RREB1: variants seen among roughly 807,000 people sequenced by gnomAD.
The protein encoded by RREB1 is ras responsive element binding protein 1, also known as ras-responsive element-binding protein 1.
In RREB1, 27 loss-of-function variants were observed where a neutral mutation model predicts 117.8. The observed-to-expected ratio is 0.23, with a 90% CI of 0.17 to 0.32. RREB1 has a LOEUF of 0.32. Among genes scored for constraint, RREB1 ranks in the 10% least tolerant of loss-of-function variants. The pLI, the probability that RREB1 is intolerant of heterozygous loss-of-function variation, is 1.00. For missense variants in RREB1, 2,577 were observed against 2,378.2 expected, an observed-to-expected ratio of 1.08 and a Z score of -1.74; for synonymous variants, 1,298 against 1,026.7, an observed-to-expected ratio of 1.26 and a Z score of -5.05.
intron 1 of RREB1, among the ~76,000 whole-genome samples, chr6:7,139,039 G>A (rs894285284): frequency 1.4e-4 from 22 of 151,966 alleles, no homozygotes; most frequent in South Asian, 4.1e-4. Context: ...CTACTTTTTC[G>A]TGCACTGAAT....
In RREB1 at chr6:7,230,448, C is replaced by T. The variant is rs1452930212; in HGVS notation, c.2349C>T (p.Gly783=). The part of the protein sequence containing the change: ...RTHCGRGLGG[G]HKGRKPFECK... ...ACTGCGGCCGCGGCCTGGGCGGGGG[C>T]CACAAGGGCCGCAAGCCCTTCGAGT... Residue 783 remains glycine (G), a synonymous_variant, in exon 10 of 13, where the codon GGC becomes GGT. Transcript: ENST00000379938. 2 of 1,591,948 alleles carry T rather than the reference C, an allele frequency of 1.3e-6. No individual in the cohort carries two copies. The highest frequency in any genetic ancestry group is 1.1e-5 in the South Asian group (1 of 90,570).
At position 7,229,736 on chromosome 6, in the gene RREB1, C is replaced by A; in HGVS notation, c.1637C>A (p.Pro546His). 6.2e-7 allele frequency: 1 copy of A among 1,601,060 alleles called. No individual in the cohort carries two copies. Among genetic ancestry groups the A allele is most frequent in the Non-Finnish European group, 8.5e-7 (1 of 1,171,282 alleles). The change falls in exon 10 of 13, where the codon CCC becomes CAC. Residue 546 changes from proline (P) to histidine (H), a missense_variant. By Grantham distance (77) the Pro-to-His change is moderately conservative. Transcript: ENST00000379938. The surrounding 1 kb of genome is among the most constrained non-coding windows in gnomAD (Gnocchi z 4.5). ...ATCAGCCCCAGCCTGCCGCCACCGC[C>A]CCTGAAGCTCCTCAAAGGCTCAGTG... ...GCISPSLPPP[P>H]LKLLKGSVEA... is the part of the protein sequence containing the mutation.
chr6:7,148,675 AG>A (rs1762983241), intron 1 of RREB1, among the ~76,000 whole-genome samples: 1 of 152,176 alleles, frequency 6.6e-6, no homozygotes, highest in South Asian at 2.1e-4. Context: ...TTAAGGAAAC[AG>A]GGAAGTTTGA....
chr6:7,215,696 C>T (rs550698075), intron 8 of RREB1: 40 of 152,314 alleles, frequency 2.6e-4, no homozygotes, highest in African/African-American at 8.2e-4. Flanking sequence ...AATGCTTCAT[C>T]GAGTATACCA....
chr6:7,247,266 G>A, intron 12 of RREB1, 45 bp downstream of exon 12: 3 of 1,554,790 alleles, frequency 1.9e-6, no homozygotes, highest in Non-Finnish European at 8.7e-7. Flanking sequence ...GAGGAGGCGA[G>A]CCGGGCACCT....
At chr6:7,134,138 T>C (rs1762259496) in intron 1 of RREB1, among the ~76,000 whole-genome samples, 1 of 152,224 alleles carries the variant, frequency 6.6e-6, no homozygotes, top group Non-Finnish European at 1.5e-5. Flanking sequence ...ACCAACATAG[T>C]ATTAAACTTT....
At chr6:7,154,719 T>G (rs1377097571) in intron 1 of RREB1, among the ~76,000 whole-genome samples, 1 of 152,200 alleles carries the variant, frequency 6.6e-6, no homozygotes, top group Non-Finnish European at 1.5e-5. Context: ...AGGCAGGATT[T>G]GCGATGTGGT....
chr6:7,233,335 A>AG (rs1768116306), intron 10 of RREB1, among the ~76,000 whole-genome samples: 1 of 152,218 alleles, frequency 6.6e-6, no homozygotes, highest in Non-Finnish European at 1.5e-5. Context: ...TCTGAATTAT[A>AG]ATTTTCTAAA....
At chr6:7,160,168 T>A (rs1763579638) in intron 1 of RREB1, among the ~76,000 whole-genome samples, 1 of 151,970 alleles carries the variant, frequency 6.6e-6, no homozygotes, top group Non-Finnish European at 1.5e-5. Flanking sequence ...CCACCCAGGC[T>A]ACTTGAGTTC....
intron 1 of RREB1, among the ~76,000 whole-genome samples, chr6:7,122,818 T>TG (rs1761734565): frequency 6.6e-6 from 1 of 152,152 alleles, no homozygotes; most frequent in African/African-American, 2.4e-5. Flanking sequence ...GTGTTATAAA[T>TG]ACAGCATGCT....
chr6:7,222,018 G>A (rs116868541), intron 8 of RREB1, among the ~76,000 whole-genome samples: 2 of 152,230 alleles, frequency 1.3e-5, no homozygotes, highest in East Asian at 1.9e-4. Flanking sequence ...AGATCCCCCC[G>A]TTTTAGATGA....
At chr6:7,212,029 C>T (rs1006721619) in intron 8 of RREB1, 7 of 321,686 alleles carry the variant, frequency 2.2e-5, no homozygotes, top group East Asian at 6.7e-5. Flanking sequence ...AGATTTTCTT[C>T]GCAAAAGATG....
chr6:7,211,853 G>A (rs2113621077), intron 8 of RREB1, 144 bp downstream of exon 8: 2 of 843,610 alleles, frequency 2.4e-6, no homozygotes, highest in African/African-American at 1.7e-5. Context: ...GAAAGTATCG[G>A]TGTGGGGAAA....
chr6:7,196,231 G>GT (rs1179803646), intron 6 of RREB1, among the ~76,000 whole-genome samples: 871 of 83,694 alleles, frequency 0.01, 6 homozygotes, highest in Non-Finnish European at 0.016. Flanking sequence ...TTTTTTTTTT[G>GT]TTTTTTTTTT....
chr6:7,241,248 G>A (rs181875751), intron 11 of RREB1, among the ~76,000 whole-genome samples: 160 of 152,202 alleles, frequency 1.1e-3, no homozygotes, highest in African/African-American at 3.5e-3. Flanking sequence ...TGCCCGATAC[G>A]TCTTGTGCCA....
At chr6:7,137,839 G>C (rs1042369552) in intron 1 of RREB1, among the ~76,000 whole-genome samples, 1 of 152,074 alleles carries the variant, frequency 6.6e-6, no homozygotes, top group Non-Finnish European at 1.5e-5. Context: ...TCTCTTGCCT[G>C]GTGGTAGGCC....
intron 1 of RREB1, among the ~76,000 whole-genome samples, chr6:7,162,334 G>T (rs1383777714): frequency 1.3e-5 from 2 of 151,888 alleles, no homozygotes; most frequent in African/African-American, 2.4e-5. Flanking sequence ...TGCTTTTTCT[G>T]CACACTGTGT....
At chr6:7,206,336 A>G (rs1025424686) in intron 6 of RREB1, among the ~76,000 whole-genome samples, 1 of 152,214 alleles carries the variant, frequency 6.6e-6, no homozygotes, top group Non-Finnish European at 1.5e-5. Flanking sequence ...CTCACACCAA[A>G]TTCTAGCAAG....
intron 4 of RREB1, among the ~76,000 whole-genome samples, chr6:7,186,795 G>A (rs1765104058): frequency 6.6e-6 from 1 of 152,200 alleles, no homozygotes; most frequent in Admixed American, 6.5e-5. Context: ...GAAGTCTTCA[G>A]TTTGGGTTGG....
Sources: allele counts gnomAD v4.1 joint callset (sites outside exome capture counted in the v4.1 genomes callset), GRCh38; gene constraint gnomAD v4.1.1; non-coding constraint Gnocchi (gnomAD v3.1); transcripts MANE v1.5; gene names NCBI Gene and HGNC (gene_info 2026-07-23, HGNC 2026-07-21).